The following MIB1 variants were observed in gnomAD, a reference collection of about 807,000 sequenced individuals.
The protein encoded by MIB1 is E3 ubiquitin-protein ligase MIB1.
Under a neutral mutation model 124.5 loss-of-function variants are expected in MIB1, and 278 were observed. The ratio of observed to expected loss-of-function variants is 2.23; its 90% CI spans 2.02 to 2.47. The LOEUF (loss-of-function observed/expected upper bound fraction) is 2.47. Ranked by LOEUF, MIB1 falls within the 30% of genes most tolerant of loss-of-function variation. The pLI is 0.00. For synonymous variants in MIB1, 446 were observed against 429.4 expected, an observed-to-expected ratio of 1.04 and a Z score of -0.48; for missense variants, 957 against 1,254.4, an observed-to-expected ratio of 0.76 and a Z score of 3.58.
At chr18:21,748,321 CTT>C (rs1274787558) in intron 1 of MIB1, among the ~76,000 whole-genome samples, 1 of 151,594 alleles carries the variant, frequency 6.6e-6, no homozygotes, top group African/African-American at 2.4e-5. Flanking sequence ...CAAAACCATT[CTT>C]TTTTTGCTTT....
intron 2 of MIB1, 42 bp from the exon 3 acceptor site, chr18:21,768,581 C>G: frequency 1.5e-6 from 2 of 1,354,632 alleles, no homozygotes; most frequent in Non-Finnish European, 2.0e-6. Flanking sequence ...TTATTGTTAC[C>G]TATTTTTATA....
intron 11 of MIB1, among the ~76,000 whole-genome samples, chr18:21,816,155 A>T (rs1464150069): frequency 6.6e-6 from 1 of 152,186 alleles, no homozygotes; most frequent in Non-Finnish European, 1.5e-5. Context: ...TTACTTCATA[A>T]CTATTTAAAT....
At chr18:21,855,342 C>A (rs1041547857) in intron 18 of MIB1, among the ~76,000 whole-genome samples, 3 of 152,080 alleles carry the variant, frequency 2.0e-5, no homozygotes, top group African/African-American at 7.2e-5. Context: ...AGATTACATC[C>A]CTTTTGGAGG....
chr18:21,826,741 T>C (rs2041927686), intron 12 of MIB1: 1 of 152,100 alleles, frequency 6.6e-6, no homozygotes, highest in Non-Finnish European at 1.5e-5. Context: ...AGTTAAGTGC[T>C]CTCAGAGAAA....
chr18:21,838,217 G>C (rs2042051138), intron 12 of MIB1, 148 bp from the exon 13 acceptor site: 9 of 568,308 alleles, frequency 1.6e-5, no homozygotes, highest in Admixed American at 1.1e-4. Context: ...AATTAAAGCT[G>C]CACATTTGAG....
At chr18:21,819,429 TGTAA>T in intron 11 of MIB1, 62 bp from the exon 12 acceptor site, 2 of 963,022 alleles carry the variant, frequency 2.1e-6, no homozygotes, top group South Asian at 1.9e-5. Flanking sequence ...TAGCATTTGG[TGTAA>T]GTATTACTAT....
At chr18:21,763,073 T>G (rs2041116293) in intron 1 of MIB1, among the ~76,000 whole-genome samples, 1 of 145,788 alleles carries the variant, frequency 6.9e-6, no homozygotes, top group African/African-American at 2.5e-5. Context: ...TTTTTTTCTG[T>G]TTTTTTTTTT....
At chr18:21,713,711 T>C (rs937322895) in intron 1 of MIB1, among the ~76,000 whole-genome samples, 22 of 147,336 alleles carry the variant, frequency 1.5e-4, no homozygotes, top group Admixed American at 4.8e-4. Context: ...CCTCCCAAAA[T>C]GCTAGGAGTA....
chr18:21,708,143 A>T (rs2040648703), intron 1 of MIB1, among the ~76,000 whole-genome samples: 1 of 152,166 alleles, frequency 6.6e-6, no homozygotes. Flanking sequence ...GAGGCGGGGG[A>T]TACAAACATT....
chr18:21,741,806 CCCACCGGTAAGCCGCGGCCA>C lies in MIB1; in HGVS notation c.226_229+16del, dbSNP rs1568182248. ...CGACCTCCGCATCCTGGACAGCGCGCCCACCGGTAAGCCGCGGCCACCTGGCCAGGGCTTGCGCGCGCGGG... is the reference window on the plus strand; with the variant it reads ...CGACCTCCGCATCCTGGACAGCGCGCCCTGGCCAGGGCTTGCGCGCGCGGG... On this transcript the variant is annotated splice_donor_variant and splice_donor_5th_base_variant and coding_sequence_variant and intron_variant, in exon 1 of 21. Coordinates refer to ENST00000261537, the MANE Select transcript of MIB1 (RefSeq NM_020774.4). LOFTEE classifies it high-confidence loss of function. The surrounding 1 kb of genome is among the most constrained non-coding windows in gnomAD (Gnocchi z 5.4). 1 of 1,598,634 alleles carries C rather than the reference CCCACCGGTAAGCCGCGGCCA, an allele frequency of 6.3e-7. No homozygotes were observed.
intron 7 of MIB1, among the ~76,000 whole-genome samples, chr18:21,792,983 C>G (rs539137856): frequency 6.6e-6 from 1 of 152,168 alleles, no homozygotes; most frequent in Non-Finnish European, 1.5e-5. Flanking sequence ...TATAACAAAA[C>G]TAGGTTTCAG....
At chr18:21,795,287 GTA>G (rs1052020013) in intron 7 of MIB1, among the ~76,000 whole-genome samples, 1 of 132,034 alleles carries the variant, frequency 7.6e-6, no homozygotes, top group Non-Finnish European at 1.6e-5. Context: ...AAATATATAT[GTA>G]TATATATAAT....
At position 21,708,473 on chromosome 18, in the gene MIB1, G is replaced by A. The variant is rs537288454; in HGVS notation, n.167+3350G>A. Among the ~76,000 whole-genome samples the A allele has an allele frequency of 2.0e-5, 3 of 152,226 alleles. No individual in the cohort carries two copies. In the East Asian group the frequency reaches 5.8e-4, roughly 29 times the overall value. On this transcript the variant is annotated intron_variant and non_coding_transcript_variant, in intron 1 of 20. Coordinates refer to the MIB1 transcript ENST00000578646. ...GTTCGAGACCAGCTTGACCAACATC[G>A]TGAAACCGCATCTCTCCTAAAAATA...
At chr18:21,748,593 C>A in intron 1 of MIB1, among the ~76,000 whole-genome samples, 1 of 151,622 alleles carries the variant, frequency 6.6e-6, no homozygotes. Context: ...CCATGCACAG[C>A]TAATTTGTGT....
chr18:21,859,326 G>A (rs899396055), intron 20 of MIB1, among the ~76,000 whole-genome samples: 73 of 151,494 alleles, frequency 4.8e-4, no homozygotes, highest in Admixed American at 4.5e-3. Flanking sequence ...CCTGAGGATC[G>A]AGGCTGTGGT....
intron 20 of MIB1, among the ~76,000 whole-genome samples, chr18:21,861,478 A>G (rs1001131033): frequency 3.3e-5 from 5 of 152,000 alleles, no homozygotes; most frequent in African/African-American, 1.2e-4. Context: ...TATGGATCCT[A>G]AAAGAATAAT....
At position 21,843,181 on chromosome 18, in the gene MIB1, C is replaced by G. The variant is rs751674437; in HGVS notation, c.2013C>G (p.His671Gln). The G allele has an allele frequency of 1.2e-6, 2 of 1,601,836 alleles. No individual in the cohort carries two copies. Residue 671 changes from histidine (H) to glutamine (Q), a missense_variant, in exon 14 of 21, where the codon CAC becomes CAG. By Grantham distance (24) the His-to-Gln change is conservative. Transcript: ENST00000261537. ...IQNVNQQTAL[H>Q]LAVERQHTQI... Reference sequence around the variant, plus strand: ...ATGTGAACCAACAAACTGCCCTACACCTTGCTGTTGAACGACAGCATACCC... The same window carrying G: ...ATGTGAACCAACAAACTGCCCTACAGCTTGCTGTTGAACGACAGCATACCC...
chr18:21,810,951 T>C (rs886784136), intron 10 of MIB1, among the ~76,000 whole-genome samples: 1 of 152,050 alleles, frequency 6.6e-6, no homozygotes, highest in Non-Finnish European at 1.5e-5. Flanking sequence ...AAGCAGCCTA[T>C]GAAATGGGAG....
chr18:21,801,115 C>A (rs533253808), intron 9 of MIB1, among the ~76,000 whole-genome samples: 2 of 152,098 alleles, frequency 1.3e-5, no homozygotes. Flanking sequence ...TCCTGTTCTA[C>A]AGAGGCAGCT....
Sources: allele counts gnomAD v4.1 joint callset (sites outside exome capture counted in the v4.1 genomes callset), GRCh38; gene constraint gnomAD v4.1.1; non-coding constraint Gnocchi (gnomAD v3.1); transcripts MANE v1.5; gene names NCBI Gene and HGNC (gene_info 2026-07-23, HGNC 2026-07-21).